ASTN2: variants seen among roughly 807,000 people sequenced by gnomAD.
The protein encoded by ASTN2 is astrotactin 2.
Under a neutral mutation model 139.8 loss-of-function variants are expected in ASTN2, and 54 were observed. The ratio of observed to expected loss-of-function variants is 0.39; its 90% CI spans 0.31 to 0.48. The LOEUF (loss-of-function observed/expected upper bound fraction) is 0.48, where lower values mean the gene tolerates loss of function less well. ASTN2 is among the 20% of genes least tolerant of loss of function. ASTN2 has a pLI of 0.95. For missense variants in ASTN2, 1,565 were observed against 1,725.1 expected (o/e 0.91, Z 1.64); for synonymous variants, 756 against 719.5 (o/e 1.05, Z -0.81).
chr9:116,582,850 G>A (rs2131715442), intron 19 of ASTN2: 1 of 152,330 alleles, frequency 6.6e-6, no homozygotes, highest in Non-Finnish European at 1.5e-5. Flanking sequence ...ACAGGATAAA[G>A]TCCAAGTAGC....
At chr9:116,973,276 C>T (rs1053763625) in intron 10 of ASTN2, among the ~76,000 whole-genome samples, 23 of 152,136 alleles carry the variant, frequency 1.5e-4, no homozygotes, top group Admixed American at 1.3e-3. Flanking sequence ...GTATTCGGCA[C>T]TTACTTAGAA....
At chr9:117,097,080 T>G (rs980444828) in intron 4 of ASTN2, among the ~76,000 whole-genome samples, 1 of 152,198 alleles carries the variant, frequency 6.6e-6, no homozygotes, top group Non-Finnish European at 1.5e-5. Flanking sequence ...GTACCTAGGC[T>G]GCAGGATGGG....
At chr9:117,361,133 C>T (rs1829681878) in intron 1 of ASTN2, among the ~76,000 whole-genome samples, 1 of 152,104 alleles carries the variant, frequency 6.6e-6, no homozygotes, top group East Asian at 1.9e-4. Context: ...AAATGTTGCA[C>T]CAAGTCAGGC....
intron 1 of ASTN2, among the ~76,000 whole-genome samples, chr9:117,322,031 G>A (rs1828339097): frequency 6.6e-6 from 1 of 152,078 alleles, no homozygotes; most frequent in Non-Finnish European, 1.5e-5. Context: ...CACCACTCTA[G>A]CCTGTGTATT....
At chr9:116,814,051 A>G (rs1831240751) in intron 12 of ASTN2, among the ~76,000 whole-genome samples, 2 of 151,828 alleles carry the variant, frequency 1.3e-5, no homozygotes, top group African/African-American at 4.8e-5. Context: ...AAAAAAAAAA[A>G]AAAGAGAGAG....
intron 16 of ASTN2, among the ~76,000 whole-genome samples, chr9:116,673,613 T>C (rs1405918249): frequency 1.3e-5 from 2 of 152,112 alleles, no homozygotes; most frequent in African/African-American, 2.4e-5. Flanking sequence ...CAAGAATGCG[T>C]AGACATATAC....
intron 11 of ASTN2, among the ~76,000 whole-genome samples, chr9:116,824,568 T>C (rs750059714): frequency 1.3e-5 from 2 of 152,356 alleles, no homozygotes; most frequent in Non-Finnish European, 2.9e-5. Flanking sequence ...CCTGTTCAGA[T>C]ATTGGCAACC....
At chr9:117,180,749 T>G (rs1434361721) in intron 3 of ASTN2, 6 of 1,580,830 alleles carry the variant, frequency 3.8e-6, no homozygotes, top group Non-Finnish European at 4.3e-6. Context: ...CGACTGGGGA[T>G]GTACTTGACC....
chr9:117,005,552 G>C (rs1036703969), intron 7 of ASTN2, among the ~76,000 whole-genome samples: 5 of 152,120 alleles, frequency 3.3e-5, no homozygotes, highest in Non-Finnish European at 5.9e-5. Context: ...GTGGCTGCCT[G>C]GACAACAGAA....
At chr9:116,505,791 C>T (rs1008029050) in intron 19 of ASTN2, among the ~76,000 whole-genome samples, 5 of 152,178 alleles carry the variant, frequency 3.3e-5, no homozygotes, top group Admixed American at 3.3e-4. Flanking sequence ...GCTGACTACA[C>T]TTCAATGACT....
At chr9:117,145,030 G>GT (rs1479853003) in intron 3 of ASTN2, among the ~76,000 whole-genome samples, 1 of 151,974 alleles carries the variant, frequency 6.6e-6, no homozygotes, top group East Asian at 1.9e-4. Flanking sequence ...ACAAGTACAG[G>GT]TTTGTTACGT....
At chr9:116,756,918 C>A (rs1829547825) in intron 13 of ASTN2, among the ~76,000 whole-genome samples, 2 of 152,108 alleles carry the variant, frequency 1.3e-5, no homozygotes, top group African/African-American at 4.8e-5. Flanking sequence ...CAATAAGTGA[C>A]AACTTTGTGA....
intron 11 of ASTN2, among the ~76,000 whole-genome samples, chr9:116,829,228 T>C (rs1476425960): frequency 6.6e-6 from 1 of 151,638 alleles, no homozygotes; most frequent in Non-Finnish European, 1.5e-5. Flanking sequence ...TGAACGAAGC[T>C]AGAAAATCAC....
intron 7 of ASTN2, among the ~76,000 whole-genome samples, chr9:116,987,624 T>C (rs1312076197): frequency 6.6e-6 from 1 of 152,246 alleles, no homozygotes; most frequent in Non-Finnish European, 1.5e-5. Context: ...TCTCAGGTAG[T>C]TCTTTATAGC....
intron 22 of ASTN2, 89 bp from the exon 23 acceptor site, chr9:116,426,177 A>G: frequency 6.7e-7 from 1 of 1,488,596 alleles, no homozygotes. Context: ...AACAAATGGT[A>G]ACTTCTCCCA....
chr9:117,031,309 A>T (rs1452283895), intron 6 of ASTN2, among the ~76,000 whole-genome samples: 1 of 152,148 alleles, frequency 6.6e-6, no homozygotes, highest in Non-Finnish European at 1.5e-5. Flanking sequence ...CGTTTTTTAC[A>T]GACACAATTT....
intron 1 of ASTN2, among the ~76,000 whole-genome samples, chr9:117,404,549 C>T (rs956490273): frequency 5.9e-5 from 9 of 152,196 alleles, no homozygotes; most frequent in East Asian, 1.9e-4. Context: ...TAATATATTA[C>T]GTATGTGTGT....
intron 5 of ASTN2, among the ~76,000 whole-genome samples, chr9:117,058,886 T>C (rs766916880): frequency 6.6e-6 from 1 of 152,134 alleles, no homozygotes; most frequent in Non-Finnish European, 1.5e-5. Context: ...GATATTCCAA[T>C]GTAAAATGCA....
At chr9:117,062,924 G>C (rs10121561) in intron 5 of ASTN2, among the ~76,000 whole-genome samples, 23,576 of 152,040 alleles carry the variant, frequency 0.16, 1,930 homozygotes, top group African/African-American at 0.2. Flanking sequence ...ACTTTTTAAG[G>C]GGCTAGCCTT....
Sources: gnomAD v4.1 joint callset for allele counts (sites outside exome capture counted in the v4.1 genomes callset) on GRCh38, gnomAD v4.1.1 for gene constraint, MANE v1.5 for transcripts, NCBI Gene and HGNC (gene_info 2026-07-23, HGNC 2026-07-21) for gene names.